ZNF233: variants seen among roughly 807,000 people sequenced by gnomAD.
ZNF233 encodes zinc finger protein 233.
A neutral mutation model predicts 11.6 loss-of-function variants in ZNF233; 7 were observed. The observed-to-expected ratio is 0.60, with a 90% confidence interval of 0.34 to 1.13. The LOEUF is 1.13. ZNF233 is among the 50% of genes most tolerant of loss of function. The pLI, the probability that ZNF233 is intolerant of heterozygous loss-of-function variation, is 0.03. For missense variants in ZNF233, 711 were observed against 785.5 expected (o/e 0.91, Z 1.13); for synonymous variants, 226 against 268.5 (o/e 0.84, Z 1.55).
In ZNF233 at chr19:44,273,568, G is replaced by A; in HGVS notation, c.908G>A (p.Arg303Lys). 6 of 1,614,216 alleles carry A rather than the reference G, an allele frequency of 3.7e-6. No individual in the cohort carries two copies. The highest frequency in any genetic ancestry group is 5.1e-6 in the Non-Finnish European group (6 of 1,180,040). ...KGIGYSSGLP[R>K]HQCFHIGEKC... Reference sequence around the variant, plus strand: ...ATAGGTTACAGCTCAGGGCTTCCCAGGCATCAGTGTTTCCACATAGGAGAG... The same window carrying A: ...ATAGGTTACAGCTCAGGGCTTCCCAAGCATCAGTGTTTCCACATAGGAGAG... The change falls in exon 5 of 5, where the codon AGG (arginine) becomes AAG (lysine). Residue 303 changes from arginine to lysine, a missense_variant. Physicochemically the swap from Arg to Lys is conservative, Grantham distance 26. Transcript: ENST00000683810.
In ZNF233 at chr19:44,275,184, T is replaced by C. The variant is rs1975360654; in HGVS notation, c.*511T>C. 2 of 360,360 alleles carry C rather than the reference T, an allele frequency of 5.6e-6. No homozygotes were observed. The highest frequency in any genetic ancestry group is 9.2e-5 in the Admixed American group (2 of 21,782). The allele number at this position is 360,360 out of a possible 1,614,324, so 22.3% of individuals were successfully genotyped here. ...CTTGATAGGAAAAATCTATCATATA[T>C]AGGACATATATTTGAATATTTTAGT... On this transcript the variant is annotated 3_prime_UTR_variant, in exon 5 of 5. Transcript: ENST00000683810.
At chr19:44,260,007 C>A in intron 1 of ZNF233, 69 bp downstream of exon 1, 1 of 431,934 alleles carries the variant, frequency 2.3e-6, no homozygotes, top group Non-Finnish European at 4.7e-6. Flanking sequence ...TCGCAGGTGC[C>A]TGCCCTCGCT....
chr19:44,267,237 C>G (rs949828826), intron 4 of ZNF233: 1 of 415,784 alleles, frequency 2.4e-6, no homozygotes. Flanking sequence ...CCTTCAGGGT[C>G]CTATGTGACC....
At chr19:44,269,072 C>T (rs911751528) in intron 4 of ZNF233, among the ~76,000 whole-genome samples, 3 of 152,098 alleles carry the variant, frequency 2.0e-5, no homozygotes, top group Non-Finnish European at 2.9e-5. Flanking sequence ...GCTCCATGAA[C>T]GTTGACTGCA....
In ZNF233 at chr19:44,275,290, G is replaced by T. The variant is rs1176793725; in HGVS notation, c.*617G>T. Reference sequence around the variant, plus strand: ...AGCCTTAAAATGAATTCAAGGAAATGACATTTAATTAAAACACATAAAACC... The same window carrying T: ...AGCCTTAAAATGAATTCAAGGAAATTACATTTAATTAAAACACATAAAACC... On this transcript the variant is annotated 3_prime_UTR_variant, in exon 5 of 5. Coordinates refer to ENST00000683810, the MANE Select transcript of ZNF233 (RefSeq NM_001207005.2). 1 of 189,450 alleles carries T rather than the reference G, an allele frequency of 5.3e-6. No homozygotes were observed. Among genetic ancestry groups the T allele is most frequent in the Non-Finnish European group, 1.1e-5 (1 of 93,626 alleles). The allele number at this position is 189,450 out of a possible 1,614,324, so 11.7% of individuals were successfully genotyped here.
chr19:44,263,862 A>C (rs1040996851), intron 1 of ZNF233, among the ~76,000 whole-genome samples: 1 of 152,238 alleles, frequency 6.6e-6, no homozygotes, highest in Non-Finnish European at 1.5e-5. Context: ...CTTGCAGGGA[A>C]ATCAGTTATA....
intron 4 of ZNF233, 79 bp from the exon 5 acceptor site, chr19:44,272,820 C>A: frequency 9.9e-7 from 1 of 1,014,974 alleles, no homozygotes; most frequent in Non-Finnish European, 1.4e-6. Flanking sequence ...ATGTGGTCAA[C>A]CTGTGAAATG....
At position 44,273,784 on chromosome 19, in the gene ZNF233, G is replaced by A; in HGVS notation, c.1124G>A (p.Cys375Tyr). ...GAGAAGTTGTGTACATGTGGCAGGT[G>A]TGGGAAGGGCTTCCATCATAGCTTA... Reference protein sequence around the residue: ...PGEKLCTCGRCGKGFHHSLDF... With the variant: ...PGEKLCTCGRYGKGFHHSLDF... Residue 375 changes from cysteine to tyrosine, a missense_variant, in exon 5 of 5, where the codon TGT becomes TAT. Physicochemically the swap from Cys to Tyr is radical, Grantham distance 194 (BLOSUM62 -2). Coordinates refer to ENST00000683810, the MANE Select transcript of ZNF233 (RefSeq NM_001207005.2). The A allele has an allele frequency of 6.2e-7, 1 of 1,614,202 alleles. No homozygotes were observed. Among genetic ancestry groups the A allele is most frequent in the Non-Finnish European group, 8.5e-7 (1 of 1,180,030 alleles).
chr19:44,260,789 A>G (rs1044730453), intron 1 of ZNF233, among the ~76,000 whole-genome samples: 4 of 152,168 alleles, frequency 2.6e-5, no homozygotes, highest in African/African-American at 9.7e-5. Context: ...TAGTTGGAGA[A>G]CAGATTTCCC....
rs536202752 is a variant in ZNF233, at chr19:44,273,968, T to A, written c.1308T>A (p.Asn436Lys). Residue 436 changes from asparagine (N) to lysine (K), a missense_variant, in exon 5 of 5, where the codon AAT becomes AAA. Transcript: ENST00000683810. ...YKWEVSDRIF[N>K]RNSGLHQRVH... Reference sequence around the variant, plus strand: ...GGGAAGTAAGTGACAGGATATTTAATAGGAATTCTGGTCTTCACCAGAGAG... The same window carrying A: ...GGGAAGTAAGTGACAGGATATTTAAAAGGAATTCTGGTCTTCACCAGAGAG... 4.3e-6 allele frequency: 7 copies of A among 1,613,484 alleles called. No individual in the cohort carries two copies. Among genetic ancestry groups the A allele is most frequent in the Non-Finnish European group, 5.1e-6 (6 of 1,179,688 alleles).
chr19:44,273,774 T>C lies in ZNF233; in HGVS notation c.1114T>C (p.Cys372Arg). Residue 372 changes from cysteine (C) to arginine (R), a missense_variant, in exon 5 of 5, where the codon TGT becomes CGT. Cys to Arg is a radical substitution (Grantham distance 180). Transcript: ENST00000683810. Reference protein sequence around the residue: ...LTHPGEKLCTCGRCGKGFHHS... With the variant: ...LTHPGEKLCTRGRCGKGFHHS... ...TCACCCAGGAGAGAAGTTGTGTACA[T>C]GTGGCAGGTGTGGGAAGGGCTTCCA... is the stretch of plus-strand genomic sequence containing the variant. The C allele has an allele frequency of 6.2e-7, 1 of 1,614,190 alleles. No homozygotes were observed. Among genetic ancestry groups the C allele is most frequent in the Middle Eastern group, 1.6e-4 (1 of 6,062 alleles).
chr19:44,266,279 T>C lies in ZNF233; in HGVS notation c.97T>C (p.Tyr33His). The stretch of plus-strand genomic sequence containing the variant: ...GCTGGACCTTGCCCAGAGAAAGCTG[T>C]ACCAAGATGTGATGCTGGAGAACTT... ...GLLDLAQRKLYQDVMLENFRN... is the reference protein window; with the variant it reads ...GLLDLAQRKLHQDVMLENFRN... The change falls in exon 3 of 5, where the codon TAC becomes CAC. Residue 33 changes from tyrosine to histidine, a missense_variant. Tyr to His is a moderately conservative substitution (Grantham distance 83, BLOSUM62 2). Coordinates refer to ENST00000683810, the MANE Select transcript of ZNF233 (RefSeq NM_001207005.2). 1 of 1,611,598 alleles carries C rather than the reference T, an allele frequency of 6.2e-7. No individual in the cohort carries two copies. Among genetic ancestry groups the C allele is most frequent in the African/African-American group, 1.3e-5 (1 of 74,944 alleles).
chr19:44,269,096 T>G (rs1975170685), intron 4 of ZNF233, among the ~76,000 whole-genome samples: 1 of 152,186 alleles, frequency 6.6e-6, no homozygotes, highest in South Asian at 2.1e-4. Flanking sequence ...CAATCAGGAA[T>G]GTTGGATGCT....
chr19:44,272,531 G>A (rs1030567357), intron 4 of ZNF233, among the ~76,000 whole-genome samples: 5 of 151,536 alleles, frequency 3.3e-5, no homozygotes, highest in Admixed American at 6.6e-5. Flanking sequence ...TCAGGAGATC[G>A]AGACCATCCT....
intron 1 of ZNF233, among the ~76,000 whole-genome samples, chr19:44,262,221 A>T (rs1974957549): frequency 6.6e-6 from 1 of 152,258 alleles, no homozygotes; most frequent in African/African-American, 2.4e-5. Context: ...ATTATCTCAC[A>T]GGCAAAACAG....
At chr19:44,260,483 C>T (rs1180043740) in intron 1 of ZNF233, among the ~76,000 whole-genome samples, 3 of 152,282 alleles carry the variant, frequency 2.0e-5, no homozygotes, top group African/African-American at 4.8e-5. Context: ...CTGCACCTCG[C>T]GAGGCTGTTC....
intron 1 of ZNF233, 59 bp from the exon 2 acceptor site, chr19:44,264,255 A>G: frequency 8.6e-7 from 1 of 1,163,472 alleles, no homozygotes; most frequent in Non-Finnish European, 1.3e-6. Flanking sequence ...TTAAAAATTC[A>G]GCCAGCACAG....
In ZNF233 at chr19:44,273,144, C is replaced by A. The variant is rs762092405; in HGVS notation, c.484C>A (p.Gln162Lys). The A allele has an allele frequency of 1.7e-5, 28 of 1,613,830 alleles. No homozygotes were observed. The highest frequency in any genetic ancestry group is 2.2e-5 in the East Asian group (1 of 44,888). ...SEDENYVIKL[Q>K]GESSNSIKNQ... ...AGATGAGAACTATGTAATAAAGCTA[C>A]AAGGGGAGAGTTCAAATAGCATAAA... The change falls in exon 5 of 5, where the codon CAA (glutamine) becomes AAA (lysine). Residue 162 changes from glutamine (Q) to lysine (K), a missense_variant. Coordinates refer to ENST00000683810, the MANE Select transcript of ZNF233 (RefSeq NM_001207005.2).
intron 2 of ZNF233, among the ~76,000 whole-genome samples, chr19:44,264,805 T>C (rs1204593751): frequency 2.0e-5 from 3 of 152,206 alleles, no homozygotes; most frequent in Admixed American, 2.0e-4. Context: ...TATGATTTAG[T>C]GTTCCTTTAT....
Sources: gnomAD v4.1 joint callset for allele counts (sites outside exome capture counted in the v4.1 genomes callset) on GRCh38, gnomAD v4.1.1 for gene constraint, MANE v1.5 for transcripts, NCBI Gene and HGNC (gene_info 2026-07-23, HGNC 2026-07-21) for gene names.